SLCO2B1: variants seen among roughly 807,000 people sequenced by gnomAD.
SLCO2B1 encodes the protein OATP-RP2.
In SLCO2B1, 41 loss-of-function variants were observed where a neutral mutation model predicts 67.3. The ratio of observed to expected loss-of-function variants is 0.61; its 90% CI spans 0.47 to 0.79. The LOEUF is 0.79. Among genes scored for constraint, SLCO2B1 ranks in the 30% least tolerant of loss-of-function variants. SLCO2B1 has a pLI of 0.00. For synonymous variants in SLCO2B1, 379 were observed against 381.4 expected (o/e 0.99, Z 0.07); for missense variants, 837 against 920.1 (o/e 0.91, Z 1.17).
In SLCO2B1 at chr11:75,202,885, T is replaced by C; in HGVS notation, c.1764-16T>C. ...AACCCCTCCAACCTCATGTTGCCCA[T>C]GTCTCTGCTTGTTAGAGGAGTGAAG... On this transcript the variant is annotated splice_polypyrimidine_tract_variant and intron_variant, in intron 11 of 13. Coordinates refer to ENST00000289575, the MANE Select transcript of SLCO2B1 (RefSeq NM_007256.5). 2 of 1,613,168 alleles carry C rather than the reference T, an allele frequency of 1.2e-6. No individual in the cohort carries two copies. Among genetic ancestry groups the C allele is most frequent in the Non-Finnish European group, 1.7e-6 (2 of 1,179,328 alleles).
At chr11:75,174,576 C>T (rs1282142666) in intron 7 of SLCO2B1, among the ~76,000 whole-genome samples, 1 of 152,102 alleles carries the variant, frequency 6.6e-6, no homozygotes, top group Admixed American at 6.5e-5. Context: ...GTCTCAGAGG[C>T]AGGGGGAAGC....
intron 1 of SLCO2B1, 111 bp downstream of exon 1, chr11:75,151,508 C>T: frequency 8.8e-7 from 1 of 1,132,490 alleles, no homozygotes; most frequent in Non-Finnish European, 1.3e-6. Context: ...GTGCTCACAG[C>T]TGTTGGCACA....
intron 2 of SLCO2B1, among the ~76,000 whole-genome samples, chr11:75,163,464 G>C (rs966829676): frequency 6.6e-6 from 1 of 152,038 alleles, no homozygotes; most frequent in Non-Finnish European, 1.5e-5. Flanking sequence ...AGTGGGGGTG[G>C]GATGGAGAAG....
At chr11:75,165,260 C>G (rs934409554) in intron 3 of SLCO2B1, among the ~76,000 whole-genome samples, 1 of 151,978 alleles carries the variant, frequency 6.6e-6, no homozygotes, top group Admixed American at 6.6e-5. Context: ...GGTGAAACCC[C>G]GTCTCTACTA....
chr11:75,158,836 C>T (rs1249957113), intron 1 of SLCO2B1, among the ~76,000 whole-genome samples: 1 of 152,204 alleles, frequency 6.6e-6, no homozygotes, highest in Non-Finnish European at 1.5e-5. Flanking sequence ...TGAGATCTGT[C>T]CTTTGCTGCT....
chr11:75,165,430 CAA>C (rs56318055), intron 3 of SLCO2B1, among the ~76,000 whole-genome samples: 164 of 127,084 alleles, frequency 1.3e-3, no homozygotes, highest in Admixed American at 1.2e-3. Flanking sequence ...AATTCCGTCT[CAA>C]AAAAAAAAAA....
At position 75,193,499 on chromosome 11, in the gene SLCO2B1, T is replaced by C. The variant is rs1240404717; in HGVS notation, c.1357T>C (p.Cys453Arg). Reference sequence around the variant, plus strand: ...CCTTTGCCTGCTGGGGATGCTGCTGTGCCTCTTCTTCAGCCTGCCGCTCTT... The same window carrying C: ...CCTTTGCCTGCTGGGGATGCTGCTGCGCCTCTTCTTCAGCCTGCCGCTCTT... ...GALCLLGMLL[C>R]LFFSLPLFFI... is the part of the protein sequence containing the mutation. Residue 453 changes from cysteine to arginine, a missense_variant, in exon 9 of 14, where the codon TGC becomes CGC. Cys to Arg is a radical substitution (Grantham distance 180). Coordinates refer to ENST00000289575, the MANE Select transcript of SLCO2B1 (RefSeq NM_007256.5). The surrounding 1 kb of genome is among the most constrained non-coding windows in gnomAD (Gnocchi z 4.2). 2 of 1,606,332 alleles carry C rather than the reference T, an allele frequency of 1.2e-6. No homozygotes were observed. Among genetic ancestry groups the C allele is most frequent in the South Asian group, 2.2e-5 (2 of 90,280 alleles).
chr11:75,198,387 G>A (rs1393897400), intron 10 of SLCO2B1, among the ~76,000 whole-genome samples: 1 of 152,236 alleles, frequency 6.6e-6, no homozygotes, highest in Non-Finnish European at 1.5e-5. Context: ...TTACCTGGAT[G>A]AATTCATTAA....
At chr11:75,160,906 C>A (rs1949812135) in intron 1 of SLCO2B1, among the ~76,000 whole-genome samples, 1 of 152,130 alleles carries the variant, frequency 6.6e-6, no homozygotes, top group African/African-American at 2.4e-5. Flanking sequence ...ATGAGGATGG[C>A]TATAATTGAA....
At chr11:75,155,912 C>G (rs537083178) in intron 1 of SLCO2B1, among the ~76,000 whole-genome samples, 1 of 152,208 alleles carries the variant, frequency 6.6e-6, no homozygotes, top group Non-Finnish European at 1.5e-5. Flanking sequence ...ATAATGCTCA[C>G]TAGGGTGGGG....
rs890388630 is a variant in SLCO2B1, at chr11:75,202,737, A to G, written c.1764-164A>G. On this transcript the variant is annotated intron_variant, in intron 11 of 13. Transcript: ENST00000289575. ...ACCAGGCTCTGCAGGTTGAAAAAGG[A>G]TGGGGTACGTCCCTGAGCCCCCAGC... The G allele has an allele frequency of 1.1e-5, 7 of 657,474 alleles. No individual in the cohort carries two copies. The African/African-American group carries it at 1.3e-4, about 12-fold the overall frequency. The allele number at this position is 657,474 out of a possible 1,614,324, so 40.7% of individuals were successfully genotyped here. A position where few individuals can be genotyped will look rare whatever the true frequency, so the allele number is the denominator to read the frequency against.
At position 75,164,111 on chromosome 11, in the gene SLCO2B1, C is replaced by T. The variant is rs1426193691; in HGVS notation, c.285+11C>T. 3.1e-6 allele frequency: 5 copies of T among 1,605,262 alleles called. No homozygotes were observed. Among genetic ancestry groups the T allele is most frequent in the Non-Finnish European group, 4.3e-6 (5 of 1,176,282 alleles). Reference sequence around the variant, plus strand: ...GCCTCCTTCAACGAGGTACAGGCCCCACCCAGCCACAGGGGTGGACACTGA... The same window carrying T: ...GCCTCCTTCAACGAGGTACAGGCCCTACCCAGCCACAGGGGTGGACACTGA... On this transcript the variant is annotated intron_variant, in intron 3 of 13. Transcript: ENST00000289575.
chr11:75,184,943 C>T (rs1421374044), intron 7 of SLCO2B1, among the ~76,000 whole-genome samples: 1 of 152,188 alleles, frequency 6.6e-6, no homozygotes, highest in Non-Finnish European at 1.5e-5. Context: ...ATCTTGCAAT[C>T]CATTACTGTT....
Position 75,196,675 on chromosome 11 carries a change from G to A in SLCO2B1, c.1595G>A (p.Ser532Asn), listed in dbSNP as rs1346294353. 6.2e-7 allele frequency: 1 copy of A among 1,612,966 alleles called. No individual in the cohort carries two copies. The highest frequency in any genetic ancestry group is 1.3e-5 in the African/African-American group (1 of 75,036). The change falls in exon 10 of 14, where the codon AGC becomes AAC. Residue 532 changes from serine to asparagine, a missense_variant. Transcript: ENST00000289575. ...SWVVQDALDN[S>N]QVFYTNCSCV... ...GTGGTCCAGGATGCTCTGGACAACA[G>A]CCAGGTGAGTCAGGCCTCTCGTGGC...
At chr11:75,184,198 G>A (rs540845125) in intron 7 of SLCO2B1, among the ~76,000 whole-genome samples, 5 of 152,144 alleles carry the variant, frequency 3.3e-5, no homozygotes, top group East Asian at 1.9e-4. Flanking sequence ...CATCTCTTGC[G>A]CTCCTCTTGC....
At chr11:75,201,986 G>A (rs1945189883) in intron 11 of SLCO2B1, 1 of 152,174 alleles carries the variant, frequency 6.6e-6, no homozygotes. Flanking sequence ...GCTACTAGGG[G>A]CTGCTCACCA....
chr11:75,201,822 C>CAAAGCTTCATTATGTAGGCATGA (rs1945188166), intron 11 of SLCO2B1: 1 of 152,168 alleles, frequency 6.6e-6, no homozygotes, highest in Non-Finnish European at 1.5e-5. Flanking sequence ...GGAAGCTCGC[C>CAAAGCTTCATTATGTAGGCATGA]AAAGCTTCAT....
intron 1 of SLCO2B1, among the ~76,000 whole-genome samples, chr11:75,155,007 T>C (rs1949731306): frequency 6.6e-6 from 1 of 152,280 alleles, no homozygotes; most frequent in East Asian, 1.9e-4. Flanking sequence ...CTAGTTGCTA[T>C]TTTTTAGGTC....
Position 75,181,927 on chromosome 11 carries a change from G to A in SLCO2B1, c.973-6209G>A, listed in dbSNP as rs550731930. On this transcript the variant is annotated intron_variant, in intron 7 of 13. Transcript: ENST00000289575. Reference sequence around the variant, plus strand: ...GAGGGGGCAAGCGGCAGAAATCTGTGGAGAACACAGGGTCAGGAGCTAAGG... The same window carrying A: ...GAGGGGGCAAGCGGCAGAAATCTGTAGAGAACACAGGGTCAGGAGCTAAGG... Among the ~76,000 whole-genome samples the A allele has an allele frequency of 2.0e-5, 3 of 152,314 alleles. No individual in the cohort carries two copies. In the South Asian group the frequency reaches 6.2e-4, roughly 32 times the overall value.
Sources: allele counts gnomAD v4.1 joint callset (sites outside exome capture counted in the v4.1 genomes callset), GRCh38; gene constraint gnomAD v4.1.1; non-coding constraint Gnocchi (gnomAD v3.1); transcripts MANE v1.5; gene names NCBI Gene and HGNC (gene_info 2026-07-23, HGNC 2026-07-21).